The following NEDD9 variants were observed in gnomAD, a reference collection of about 807,000 sequenced individuals.
The protein encoded by NEDD9 is neural precursor cell expressed, developmentally down-regulated 9.
Under a neutral mutation model 76.6 loss-of-function variants are expected in NEDD9, and 26 were observed. The observed-to-expected ratio is 0.34, with a 90% confidence interval of 0.25 to 0.47. NEDD9 has a LOEUF of 0.47. Ranked by LOEUF, NEDD9 falls within the 20% of genes least tolerant of loss-of-function variation. The pLI, the probability that NEDD9 is intolerant of heterozygous loss-of-function variation, is 1.00. For missense variants in NEDD9, 937 were observed against 1,058.5 expected (o/e 0.89, Z 1.59); for synonymous variants, 392 against 414.2 (o/e 0.95, Z 0.65).
chr6:11,200,073 C>A, intron 2 of NEDD9: 1 of 222,234 alleles, frequency 4.5e-6, no homozygotes, highest in South Asian at 5.5e-5. Flanking sequence ...GCTTTTCAAG[C>A]CTGGGGGCAT....
At chr6:11,271,988 G>A (rs148433524) in intron 3 of NEDD9, among the ~76,000 whole-genome samples, 2 of 152,252 alleles carry the variant, frequency 1.3e-5, no homozygotes, top group East Asian at 1.9e-4. Context: ...GCATGTTTCC[G>A]TCTAGTTCTC....
At position 11,231,830 on chromosome 6, in the gene NEDD9, CTG is replaced by C. The variant is rs148774162; in HGVS notation, c.12+672_12+673del. ...GCTGAAGTACTATGACTATGACACT[CTG>C]TAAGCTTTCAGGCACAATGAGCCAG... is the stretch of plus-strand genomic sequence containing the variant. On this transcript the variant is annotated intron_variant, in intron 1 of 6. Transcript: ENST00000379446. Among the ~76,000 whole-genome samples the C allele has an allele frequency of 4.4e-3, 671 of 152,324 alleles. 7 individuals carry two copies. The highest frequency in any genetic ancestry group is 0.015 in the African/African-American group (603 of 41,572).
intron 3 of NEDD9, among the ~76,000 whole-genome samples, chr6:11,240,506 T>A (rs1759690106): frequency 6.6e-6 from 1 of 152,216 alleles, no homozygotes; most frequent in South Asian, 2.1e-4. Context: ...ACCGTGTCAC[T>A]ACCGTGCTAC....
At chr6:11,378,014 G>T (rs1193386135) in intron 1 of NEDD9, among the ~76,000 whole-genome samples, 1 of 152,166 alleles carries the variant, frequency 6.6e-6, no homozygotes, top group East Asian at 1.9e-4. Context: ...AGGCTGAGGT[G>T]GGTGGATCAC....
chr6:11,230,525 C>T (rs1759437155), intron 1 of NEDD9, among the ~76,000 whole-genome samples: 1 of 152,174 alleles, frequency 6.6e-6, no homozygotes, highest in African/African-American at 2.4e-5. Flanking sequence ...ACTTTTGTGT[C>T]TCTCCTCTAC....
chr6:11,248,807 C>T (rs1461635073), intron 3 of NEDD9: 2 of 264,408 alleles, frequency 7.6e-6, no homozygotes, highest in East Asian at 1.7e-4. Flanking sequence ...CCCACCTTGG[C>T]CCTGGGATGG....
rs16871066 is a variant in NEDD9, at chr6:11,189,286, C to T, written c.1905+678G>A. 5.1e-4 allele frequency among the ~76,000 whole-genome samples: 77 copies of T among 152,260 alleles called. 1 individual carries two copies. In the East Asian group the frequency reaches 0.012, roughly 24 times the overall value. On this transcript the variant is annotated intron_variant, in intron 5 of 6. Coordinates refer to ENST00000379446, the MANE Select transcript of NEDD9 (RefSeq NM_006403.4). ...CCCTCAAAGTGGAAGGGAAAGCTGT[C>T]GGAATCCCAGGTCAACTTGGAGCTT...
At chr6:11,224,040 A>G (rs1026464267) in intron 1 of NEDD9, among the ~76,000 whole-genome samples, 1 of 152,154 alleles carries the variant, frequency 6.6e-6, no homozygotes, top group East Asian at 1.9e-4. Context: ...GTCAGACCAT[A>G]TGTCCCATTT....
intron 3 of NEDD9, among the ~76,000 whole-genome samples, chr6:11,255,982 ACAGGAGTAACACCAC>A (rs1482379922): frequency 6.6e-6 from 1 of 152,134 alleles, no homozygotes. Flanking sequence ...ACGGAGGAAT[ACAGGAGTAACACCAC>A]TAGGCCCCCA....
intron 3 of NEDD9, among the ~76,000 whole-genome samples, chr6:11,239,688 C>T (rs1002954963): frequency 3.9e-5 from 6 of 152,144 alleles, no homozygotes; most frequent in Admixed American, 2.6e-4. Flanking sequence ...CCCGAACTAC[C>T]TCGTTAGCAA....
chr6:11,189,750 C>T (rs188966755), intron 5 of NEDD9, among the ~76,000 whole-genome samples: 87 of 152,280 alleles, frequency 5.7e-4, no homozygotes, highest in Non-Finnish European at 9.1e-4. Context: ...ACACAGTAAA[C>T]GTCAGAGAAA....
Position 11,221,841 on chromosome 6 carries a change from T to C in NEDD9, c.13-8114A>G, listed in dbSNP as rs186349858. Among the ~76,000 whole-genome samples, 1,171 of 152,288 alleles carry C rather than the reference T, an allele frequency of 7.7e-3. 2 individuals carry two copies. Among genetic ancestry groups the C allele is most frequent in the Non-Finnish European group, 0.013 (860 of 68,012 alleles). On this transcript the variant is annotated intron_variant, in intron 1 of 6. Coordinates refer to ENST00000379446, the MANE Select transcript of NEDD9 (RefSeq NM_006403.4). ...CAGGCACCATATAATGATGAAGGCCTGACACCCACCCACCCACAAGATAGA... is the reference window on the plus strand; with the variant it reads ...CAGGCACCATATAATGATGAAGGCCCGACACCCACCCACCCACAAGATAGA...
chr6:11,279,010 TA>T (rs201804051), intron 3 of NEDD9, among the ~76,000 whole-genome samples: 2,635 of 152,282 alleles, frequency 0.017, 73 homozygotes, highest in African/African-American at 0.058. Flanking sequence ...GACATCTTAT[TA>T]TTTTTATTAT....
At chr6:11,321,324 T>A (rs1761796634) in intron 2 of NEDD9, among the ~76,000 whole-genome samples, 2 of 152,146 alleles carry the variant, frequency 1.3e-5, no homozygotes, top group Non-Finnish European at 2.9e-5. Context: ...AGGTGAAGGA[T>A]GACGTAGTCA....
intron 3 of NEDD9, among the ~76,000 whole-genome samples, chr6:11,257,529 C>G (rs572865820): frequency 6.6e-6 from 1 of 152,300 alleles, no homozygotes; most frequent in South Asian, 2.1e-4. Context: ...ACCATGTGTT[C>G]TGACTTTGCT....
intron 1 of NEDD9, among the ~76,000 whole-genome samples, chr6:11,353,235 A>G (rs1264282566): frequency 6.6e-6 from 1 of 152,232 alleles, no homozygotes; most frequent in African/African-American, 2.4e-5. Context: ...GGTATGTGGG[A>G]GTCCTATCTC....
intron 1 of NEDD9, among the ~76,000 whole-genome samples, chr6:11,339,400 G>A (rs1462570696): frequency 2.0e-5 from 3 of 152,166 alleles, no homozygotes; most frequent in Non-Finnish European, 2.9e-5. Flanking sequence ...ATGAGGCTGA[G>A]CCTTTCCACT....
At chr6:11,185,911 G>A (rs1252867729) in intron 6 of NEDD9, among the ~76,000 whole-genome samples, 1 of 152,188 alleles carries the variant, frequency 6.6e-6, no homozygotes, top group Non-Finnish European at 1.5e-5. Context: ...TGTACCCTCT[G>A]GCTAGAAGGT....
At chr6:11,309,965 A>C (rs1176919431) in intron 2 of NEDD9, among the ~76,000 whole-genome samples, 1 of 152,222 alleles carries the variant, frequency 6.6e-6, no homozygotes, top group African/African-American at 2.4e-5. Context: ...CTGCATTTTA[A>C]AGTAACAGAG....
Sources: allele counts gnomAD v4.1 joint callset (sites outside exome capture counted in the v4.1 genomes callset), GRCh38; gene constraint gnomAD v4.1.1; transcripts MANE v1.5; gene names NCBI Gene and HGNC (gene_info 2026-07-23, HGNC 2026-07-21).